Variants in PAX9 observed in about 807,000 individuals in gnomAD.
PAX9 encodes paired box protein Pax-9.
In PAX9, 6 loss-of-function variants were observed where a neutral mutation model predicts 29.1. The ratio of observed to expected loss-of-function variants is 0.21; its 90% CI spans 0.11 to 0.41. PAX9 has a LOEUF of 0.41. PAX9 is among the 10% of genes least tolerant of loss of function. The probability of loss-of-function intolerance (pLI) is 1.00; values close to 1 mark genes in which losing one functional copy is unlikely to be tolerated. For missense variants in PAX9, 443 were observed against 479.1 expected (o/e 0.92, Z 0.70); for synonymous variants, 217 against 211.7 (o/e 1.03, Z -0.22).
rs1882010101 is a variant in PAX9 at position 36,678,405 on chromosome 14, CAGA to C, written c.*1956_*1958del. On this transcript the variant is annotated 3_prime_UTR_variant, in exon 4 of 4. Coordinates refer to ENST00000361487, the MANE Select transcript of PAX9 (RefSeq NM_001372076.1). ...ATTATAACTTCAGGAGAAGAATAAG[CAGA>C]AGGAGCAGATGAACTCTCAGGGCCA... 2 of 1,165,486 alleles carry C rather than the reference CAGA, an allele frequency of 1.7e-6. No individual in the cohort carries two copies. The highest frequency in any genetic ancestry group is 2.5e-6 in the Non-Finnish European group (2 of 810,772). The allele number at this position is 1,165,486 out of a possible 1,614,324, so 72.2% of individuals were successfully genotyped here.
Position 36,678,655 on chromosome 14 carries a change from T to C in PAX9, c.*2203T>C. 1 of 1,257,440 alleles carries C rather than the reference T, an allele frequency of 8.0e-7. No individual in the cohort carries two copies. The highest frequency in any genetic ancestry group is 1.0e-6 in the Non-Finnish European group (1 of 1,001,156). 77.9% of individuals were successfully genotyped at this position (1,257,440 alleles called of 1,614,324 possible). Reference sequence around the variant, plus strand: ...TTTTTAGGTGGCTGTTAGGGGGCTTTAAAAAATATTACTTGCTTGTGTGGA... The same window carrying C: ...TTTTTAGGTGGCTGTTAGGGGGCTTCAAAAAATATTACTTGCTTGTGTGGA... On this transcript the variant is annotated 3_prime_UTR_variant, in exon 4 of 4. Transcript: ENST00000361487.
upstream of PAX9, among the ~76,000 whole-genome samples, chr14:36,659,692 CA>C (rs1000383586): frequency 2.5e-4 from 38 of 152,106 alleles, no homozygotes; most frequent in African/African-American, 8.2e-4. Context: ...CAGCTGAGGC[CA>C]CATGGTCACA....
chr14:36,657,606 C>G (rs1323185334), upstream of PAX9: 3 of 152,296 alleles, frequency 2.0e-5, no homozygotes, highest in South Asian at 2.1e-4. Context: ...GGGCGACGAG[C>G]GCTCGCAGCC....
At chr14:36,662,187 C>A in intron 1 of PAX9, 94 bp downstream of exon 1, 1 of 1,289,490 alleles carries the variant, frequency 7.8e-7, no homozygotes. Flanking sequence ...CGAGGGCGCG[C>A]GCCACTAGGC....
intron 2 of PAX9, among the ~76,000 whole-genome samples, chr14:36,664,892 G>A (rs766233997): frequency 6.6e-6 from 1 of 152,162 alleles, no homozygotes; most frequent in African/African-American, 2.4e-5. Context: ...GCTACTTGGA[G>A]CCATAGTTGG....
intron 3 of PAX9, among the ~76,000 whole-genome samples, chr14:36,674,664 C>T (rs1375263992): frequency 1.3e-5 from 2 of 152,110 alleles, no homozygotes. Flanking sequence ...TTCATTAATA[C>T]TCATTACTCA....
Position 36,676,802 on chromosome 14 carries a change from A to T in PAX9, c.*350A>T, listed in dbSNP as rs1307676229. 6.9e-5 allele frequency: 21 copies of T among 305,648 alleles called. No individual in the cohort carries two copies. Among genetic ancestry groups the T allele is most frequent in the Non-Finnish European group, 1.3e-4 (21 of 159,178 alleles). The allele number at this position is 305,648 out of a possible 1,614,324, so 18.9% of individuals were successfully genotyped here. A position where few individuals can be genotyped will look rare whatever the true frequency, so the allele number is the denominator to read the frequency against. ...TAGTCTTTGGTAAAACCACATGTGTATATTTATTCTAAATCAACCTGAACT... is the reference window on the plus strand; with the variant it reads ...TAGTCTTTGGTAAAACCACATGTGTTTATTTATTCTAAATCAACCTGAACT... On this transcript the variant is annotated 3_prime_UTR_variant, in exon 4 of 4. Coordinates refer to ENST00000361487, the MANE Select transcript of PAX9 (RefSeq NM_001372076.1).
intron 3 of PAX9, among the ~76,000 whole-genome samples, chr14:36,670,362 T>A (rs1332209921): frequency 1.3e-5 from 2 of 152,054 alleles, no homozygotes; most frequent in Non-Finnish European, 2.9e-5. Flanking sequence ...AGAATTAAGT[T>A]GTGAAAATAG....
rs567657540 is a variant in PAX9, at chr14:36,661,913, T to A, written c.-177T>A. On this transcript the variant is annotated 5_prime_UTR_variant, in exon 1 of 4. Transcript: ENST00000361487. Reference sequence around the variant, plus strand: ...AAATGCAGAACTCAAGCCTCTTTCATCGGGGCACAGACTTCCTTTTACTTC... The same window carrying A: ...AAATGCAGAACTCAAGCCTCTTTCAACGGGGCACAGACTTCCTTTTACTTC... 6.7e-6 allele frequency: 5 copies of A among 749,576 alleles called. No individual in the cohort carries two copies. The highest frequency in any genetic ancestry group is 6.4e-5 in the Admixed American group (3 of 46,522). 46.4% of individuals were successfully genotyped at this position (749,576 alleles called of 1,614,324 possible). A position where few individuals can be genotyped will look rare whatever the true frequency, so the allele number is the denominator to read the frequency against.
Position 36,662,065 on chromosome 14 carries a change from C to T in PAX9, c.-25C>T. The T allele has an allele frequency of 6.9e-7, 1 of 1,445,192 alleles. No individual in the cohort carries two copies. Among genetic ancestry groups the T allele is most frequent in the Non-Finnish European group, 9.3e-7 (1 of 1,080,690 alleles). The allele number at this position is 1,445,192 out of a possible 1,614,324, so 89.5% of individuals were successfully genotyped here. The stretch of plus-strand genomic sequence containing the variant: ...TCTGTCTGGGAGTGCGGAACTGGGG[C>T]CGGGTTGGTGTACTGCTCGGAGCAA... On this transcript the variant is annotated 5_prime_UTR_variant, in exon 1 of 4. Coordinates refer to ENST00000361487, the MANE Select transcript of PAX9 (RefSeq NM_001372076.1).
rs199586187 is a variant in PAX9 at position 36,678,703 on chromosome 14, TTATC to T, written c.*2254_*2257del. 803 of 1,230,786 alleles carry T rather than the reference TTATC, an allele frequency of 6.5e-4. 10 individuals carry two copies. The East Asian group carries it at 0.024, about 36-fold the overall frequency. The allele number at this position is 1,230,786 out of a possible 1,614,324, so 76.2% of individuals were successfully genotyped here. A position where few individuals can be genotyped will look rare whatever the true frequency, so the allele number is the denominator to read the frequency against. On this transcript the variant is annotated 3_prime_UTR_variant, in exon 4 of 4. Coordinates refer to ENST00000361487, the MANE Select transcript of PAX9 (RefSeq NM_001372076.1). The stretch of plus-strand genomic sequence containing the variant: ...GGAAATGCAAATAATGTTATTTTCT[TTATC>T]TAAATTAAGAAATCTCTTGTTATTG...
intron 3 of PAX9, among the ~76,000 whole-genome samples, chr14:36,673,166 G>A (rs1594473684): frequency 1.3e-5 from 2 of 151,774 alleles, no homozygotes; most frequent in African/African-American, 2.4e-5. Context: ...GTGCCCGGCC[G>A]CCTTTTTCTA....
upstream of PAX9, chr14:36,661,769 C>A (rs780901065): frequency 9.4e-5 from 45 of 478,812 alleles, no homozygotes; most frequent in Middle Eastern, 5.4e-4. Flanking sequence ...GCTCACCGAC[C>A]CGCACCAATC....
intron 2 of PAX9, among the ~76,000 whole-genome samples, chr14:36,664,717 T>C (rs1308831024): frequency 6.6e-6 from 1 of 152,150 alleles, no homozygotes; most frequent in African/African-American, 2.4e-5. Flanking sequence ...GAGGAAAAAT[T>C]AAATAGGAAA....
chr14:36,678,998 G>A lies in PAX9; in HGVS notation c.*2546G>A, dbSNP rs1432915930. On this transcript the variant is annotated 3_prime_UTR_variant, in exon 4 of 4. Coordinates refer to ENST00000361487, the MANE Select transcript of PAX9 (RefSeq NM_001372076.1). Reference sequence around the variant, plus strand: ...GACATATTTCCTCTATCTCATAGATGGTAAAAGTGTTGCTTTTAAACTGGC... The same window carrying A: ...GACATATTTCCTCTATCTCATAGATAGTAAAAGTGTTGCTTTTAAACTGGC... The A allele has an allele frequency of 3.1e-6, 3 of 955,628 alleles. No homozygotes were observed. Among genetic ancestry groups the A allele is most frequent in the South Asian group, 5.0e-5 (1 of 20,144 alleles). 59.2% of individuals were successfully genotyped at this position (955,628 alleles called of 1,614,324 possible). A position where few individuals can be genotyped will look rare whatever the true frequency, so the allele number is the denominator to read the frequency against.
At position 36,663,459 on chromosome 14, in the gene PAX9, G is replaced by T. The variant is rs748307926; in HGVS notation, c.567G>T (p.Pro189=). 6.2e-7 allele frequency: 1 copy of T among 1,612,954 alleles called. No homozygotes were observed. The highest frequency in any genetic ancestry group is 8.5e-7 in the Non-Finnish European group (1 of 1,179,784). The part of the protein sequence containing the change: ...VPAIPGSVAM[P]RTWPSSHSVT... ...CCATCCCCGGTTCGGTGGCCATGCCGCGCACCTGGCCCTCCTCGCACTCCG... is the reference window on the plus strand; with the variant it reads ...CCATCCCCGGTTCGGTGGCCATGCCTCGCACCTGGCCCTCCTCGCACTCCG... Residue 189 remains proline, a synonymous_variant, in exon 2 of 4, where the codon CCG becomes CCT. Transcript: ENST00000361487.
At chr14:36,672,470 C>T (rs910369927) in intron 3 of PAX9, among the ~76,000 whole-genome samples, 29 of 152,074 alleles carry the variant, frequency 1.9e-4, no homozygotes, top group Admixed American at 1.2e-3. Context: ...TCAGTGATTG[C>T]TTCATAAATA....
chr14:36,671,241 G>A (rs984294042), intron 3 of PAX9: 4 of 228,380 alleles, frequency 1.8e-5, no homozygotes, highest in South Asian at 4.7e-5. Flanking sequence ...TTATCTTCAC[G>A]ATAAATAATG....
At position 36,676,208 on chromosome 14, in the gene PAX9, G is replaced by C. The variant is rs751979591; in HGVS notation, c.782G>C (p.Gly261Ala). ...QEAKYGQAPN[G>A]LPAVGSFVSA... ...TTCTACTCCTCTCAGGCACCAAATG[G>C]TCTCCCAGCTGTGGGCAGTTTTGTG... The change falls in exon 4 of 4, where the codon GGT (glycine) becomes GCT (alanine). Residue 261 changes from glycine to alanine, a missense_variant. By Grantham distance (60) the Gly-to-Ala change is moderately conservative (BLOSUM62 0). This residue lies in a region of PAX9 where 336 missense variants were observed against 317.2 expected (regional missense o/e 1.06). Coordinates refer to ENST00000361487, the MANE Select transcript of PAX9 (RefSeq NM_001372076.1). The C allele has an allele frequency of 6.2e-7, 1 of 1,613,952 alleles. No individual in the cohort carries two copies. Among genetic ancestry groups the C allele is most frequent in the Admixed American group, 1.7e-5 (1 of 59,992 alleles).
Sources: gnomAD v4.1 joint callset for allele counts (sites outside exome capture counted in the v4.1 genomes callset) on GRCh38, gnomAD v4.1.1 for gene constraint, gnomAD v4.1.1 regional missense constraint, MANE v1.5 for transcripts, NCBI Gene and HGNC (gene_info 2026-07-23, HGNC 2026-07-21) for gene names.